MXI1: variants seen among roughly 807,000 people sequenced by gnomAD.
The protein encoded by MXI1 is MAX interactor 1, dimerization protein.
MXI1 carries 18 observed loss-of-function variants against 36.9 expected under a neutral mutation model. The observed-to-expected ratio is 0.49, with a 90% CI of 0.34 to 0.72. The LOEUF is 0.72. Among genes scored for constraint, MXI1 ranks in the 30% least tolerant of loss-of-function variants. MXI1 has a pLI of 0.01. For synonymous variants in MXI1, 160 were observed against 146.7 expected, an observed-to-expected ratio of 1.09 and a Z score of -0.65; for missense variants, 304 against 379.1, an observed-to-expected ratio of 0.80 and a Z score of 1.64.
chr10:110,238,545 G>C (rs1275208625), intron 2 of MXI1, among the ~76,000 whole-genome samples: 2 of 152,216 alleles, frequency 1.3e-5, no homozygotes, highest in East Asian at 1.9e-4. Flanking sequence ...TCAGGGTTTG[G>C]TATCAGGCTA....
At chr10:110,211,062 G>C (rs1477075262) in intron 1 of MXI1, among the ~76,000 whole-genome samples, 1 of 144,454 alleles carries the variant, frequency 6.9e-6, no homozygotes, top group Non-Finnish European at 1.5e-5. Flanking sequence ...TGGGTAGTTT[G>C]TTGTGTACGT....
rs1857422968 is a variant in MXI1 at position 110,286,224 on chromosome 10, G to C, written c.*1237G>C. ...TTGTCTCATTTTAATGTAAAGATTT[G>C]CTTCCATTTTCCTACAGGCAGTCTC... On this transcript the variant is annotated 3_prime_UTR_variant, in exon 6 of 6. Transcript: ENST00000332674. 1 of 152,586 alleles carries C rather than the reference G, an allele frequency of 6.6e-6. No individual in the cohort carries two copies. The allele number at this position is 152,586 out of a possible 1,614,324, so 9.5% of individuals were successfully genotyped here.
At chr10:110,255,658 ATAAAT>A (rs1856261167) in intron 3 of MXI1, among the ~76,000 whole-genome samples, 1 of 152,218 alleles carries the variant, frequency 6.6e-6, no homozygotes, top group African/African-American at 2.4e-5. Flanking sequence ...TACTTTTGAA[ATAAAT>A]TAAGGAAGAC....
chr10:110,273,830 A>C (rs540870430), intron 3 of MXI1, among the ~76,000 whole-genome samples: 1 of 152,344 alleles, frequency 6.6e-6, no homozygotes, highest in East Asian at 1.9e-4. Flanking sequence ...GGTTCCAATG[A>C]AGGACCATGC....
intron 2 of MXI1, among the ~76,000 whole-genome samples, chr10:110,239,654 C>T (rs1407299390): frequency 6.6e-6 from 1 of 151,882 alleles, no homozygotes; most frequent in Non-Finnish European, 1.5e-5. Flanking sequence ...TTACAAAGCA[C>T]ATTTGTTTGA....
intron 3 of MXI1, among the ~76,000 whole-genome samples, chr10:110,256,442 A>G (rs560935123): frequency 1.3e-5 from 2 of 151,932 alleles, no homozygotes; most frequent in African/African-American, 2.4e-5. Flanking sequence ...CATCGCTACT[A>G]AAAATACAAA....
intron 3 of MXI1, among the ~76,000 whole-genome samples, chr10:110,274,898 G>A (rs1454444439): frequency 8.2e-6 from 1 of 122,368 alleles, no homozygotes; most frequent in Non-Finnish European, 1.6e-5. Context: ...TTTTTTTGGT[G>A]GAGTCTCACA....
chr10:110,246,889 C>G (rs1426298306), intron 3 of MXI1, among the ~76,000 whole-genome samples: 2 of 152,082 alleles, frequency 1.3e-5, no homozygotes, highest in Non-Finnish European at 2.9e-5. Flanking sequence ...ACAAAAAAGA[C>G]TAAGAAATGA....
Position 110,284,842 on chromosome 10 carries a change from T to C in MXI1, c.743T>C (p.Val248Ala). 6.2e-7 allele frequency: 1 copy of C among 1,605,762 alleles called. No individual in the cohort carries two copies. Among genetic ancestry groups the C allele is most frequent in the Non-Finnish European group, 8.5e-7 (1 of 1,177,454 alleles). Residue 248 changes from valine (V) to alanine (A), a missense_variant, in exon 6 of 6, where the codon GTT becomes GCT. Val to Ala is a moderately conservative substitution (Grantham distance 64). Around this residue, in one of 2 missense-constraint regions of MXI1, gnomAD observed 125 missense variants for 194.3 expected, o/e 0.64. Transcript: ENST00000332674. Reference sequence around the variant, plus strand: ...TTGGCAGAGGAGATTGAAGTGGATGTTGAAAGCACAGAGTTCTCCCATGGA... The same window carrying C: ...TTGGCAGAGGAGATTGAAGTGGATGCTGAAAGCACAGAGTTCTCCCATGGA... ...DSEREEIEVDVESTEFSHGEV... is the reference protein window; with the variant it reads ...DSEREEIEVDAESTEFSHGEV...
rs1857422586 is a variant in MXI1, at chr10:110,286,203, C to T, written c.*1216C>T. 1.3e-5 allele frequency: 2 copies of T among 152,584 alleles called. No individual in the cohort carries two copies. The highest frequency in any genetic ancestry group is 2.1e-4 in the South Asian group (1 of 4,822). The allele number at this position is 152,584 out of a possible 1,614,324, so 9.5% of individuals were successfully genotyped here. On this transcript the variant is annotated 3_prime_UTR_variant, in exon 6 of 6. Transcript: ENST00000332674. ...TTAACATAGTAAGTTCAGCACTTGT[C>T]TCATTTTAATGTAAAGATTTGCTTC...
At chr10:110,244,198 A>G (rs1347328293) in intron 2 of MXI1, among the ~76,000 whole-genome samples, 2 of 152,152 alleles carry the variant, frequency 1.3e-5, no homozygotes, top group Non-Finnish European at 2.9e-5. Flanking sequence ...AAACTAAACA[A>G]TAACCATTGC....
intron 1 of MXI1, chr10:110,226,126 G>C (rs1344887662): frequency 4.8e-6 from 6 of 1,254,252 alleles, no homozygotes; most frequent in Non-Finnish European, 6.0e-6. Context: ...GTTCCGGAAC[G>C]GCGCCCGGCC....
In MXI1 at chr10:110,285,083, TTAAAACAAAA is replaced by T. The variant is rs1857397064; in HGVS notation, c.*97_*106del. The T allele has an allele frequency of 1.7e-6, 2 of 1,206,482 alleles. No homozygotes were observed. Among genetic ancestry groups the T allele is most frequent in the Non-Finnish European group, 1.1e-6 (1 of 897,860 alleles). The allele number at this position is 1,206,482 out of a possible 1,614,324, so 74.7% of individuals were successfully genotyped here. A position where few individuals can be genotyped will look rare whatever the true frequency, so the allele number is the denominator to read the frequency against. On this transcript the variant is annotated 3_prime_UTR_variant, in exon 6 of 6. Transcript: ENST00000332674. Reference sequence around the variant, plus strand: ...TTGGGTTCATGATGCAGTCTCCTCTTTAAAACAAAACAAAACAAAACAAAACTATACTTGA... The same window carrying T: ...TTGGGTTCATGATGCAGTCTCCTCTTCAAAACAAAACAAAACTATACTTGA...
chr10:110,238,883 C>A (rs1366081516), intron 2 of MXI1, among the ~76,000 whole-genome samples: 1 of 152,064 alleles, frequency 6.6e-6, no homozygotes, highest in Non-Finnish European at 1.5e-5. Context: ...TAATAATATT[C>A]TCTTATCCTT....
At chr10:110,262,367 C>G (rs971101889) in intron 3 of MXI1, among the ~76,000 whole-genome samples, 1 of 152,050 alleles carries the variant, frequency 6.6e-6, no homozygotes, top group African/African-American at 2.4e-5. Flanking sequence ...GGGACTTCAG[C>G]ATTTGGGGAT....
intron 3 of MXI1, among the ~76,000 whole-genome samples, chr10:110,276,647 C>G (rs1857040664): frequency 6.6e-6 from 1 of 151,732 alleles, no homozygotes; most frequent in Non-Finnish European, 1.5e-5. Context: ...AAGCAAGTGT[C>G]TGGAACAGTG....
At chr10:110,233,155 G>A (rs576152262) in intron 2 of MXI1, among the ~76,000 whole-genome samples, 1 of 152,016 alleles carries the variant, frequency 6.6e-6, no homozygotes, top group Non-Finnish European at 1.5e-5. Context: ...TCTCATAAAA[G>A]CAGTATCTCA....
At chr10:110,269,169 T>A (rs1405182766) in intron 3 of MXI1, among the ~76,000 whole-genome samples, 1 of 152,234 alleles carries the variant, frequency 6.6e-6, no homozygotes, top group African/African-American at 2.4e-5. Flanking sequence ...TAAGCATGGT[T>A]ACCACTTTTA....
At chr10:110,259,547 C>T (rs764982105) in intron 3 of MXI1, among the ~76,000 whole-genome samples, 3 of 152,008 alleles carry the variant, frequency 2.0e-5, no homozygotes, top group Non-Finnish European at 4.4e-5. Flanking sequence ...CTAGAATCTT[C>T]TTCATTTAAA....
Sources: gnomAD v4.1 joint callset for allele counts (sites outside exome capture counted in the v4.1 genomes callset) on GRCh38, gnomAD v4.1.1 for gene constraint, gnomAD v4.1.1 regional missense constraint, MANE v1.5 for transcripts, NCBI Gene and HGNC (gene_info 2026-07-23, HGNC 2026-07-21) for gene names.